STPG1: variants seen among roughly 807,000 people sequenced by gnomAD.
STPG1 encodes O(6)-methylguanine-induced apoptosis 2.
STPG1 carries 33 observed loss-of-function variants against 40.1 expected under a neutral mutation model. The ratio of observed to expected loss-of-function variants is 0.82; its 90% confidence interval spans 0.62 to 1.10. The LOEUF is 1.10. Ranked by LOEUF, STPG1 falls within the 50% of genes least tolerant of loss-of-function variation. STPG1 has a pLI of 0.00. For missense variants in STPG1, 396 were observed against 415.1 expected (o/e 0.95, Z 0.40); for synonymous variants, 150 against 155.0 (o/e 0.97, Z 0.24).
At position 24,373,559 on chromosome 1, in the gene STPG1, C is replaced by T. The variant is rs1641852390; in HGVS notation, c.571+143G>A. ...TGCTGGCTGTCTTCTCACCTCTCCT[C>T]TTTGTTCAGTACCTGCCTGCTACTC... On this transcript the variant is annotated intron_variant, in intron 6 of 8. Transcript: ENST00000337248. 4.8e-6 allele frequency: 3 copies of T among 619,488 alleles called. No individual in the cohort carries two copies. The East Asian group carries it at 7.5e-5, about 16-fold the overall frequency. The allele number at this position is 619,488 out of a possible 1,614,324, so 38.4% of individuals were successfully genotyped here.
chr1:24,410,261 A>G (rs1204732116), intron 1 of STPG1, among the ~76,000 whole-genome samples: 1 of 152,222 alleles, frequency 6.6e-6, no homozygotes, highest in African/African-American at 2.4e-5. Flanking sequence ...ATAATAATGT[A>G]TGTACACTGT....
chr1:24,407,429 C>T (rs1643454092), intron 1 of STPG1, among the ~76,000 whole-genome samples: 1 of 148,234 alleles, frequency 6.7e-6, no homozygotes, highest in Non-Finnish European at 1.5e-5. Flanking sequence ...ATTGTCATGT[C>T]TTCAAGTTCA....
intron 2 of STPG1, among the ~76,000 whole-genome samples, chr1:24,400,613 T>C (rs1299937791): frequency 6.6e-6 from 1 of 152,344 alleles, no homozygotes; most frequent in East Asian, 1.9e-4. Flanking sequence ...CAGCAGCGAC[T>C]CTGGAAGCCC....
At chr1:24,397,242 G>A (rs1330559892) in intron 2 of STPG1, among the ~76,000 whole-genome samples, 1 of 152,176 alleles carries the variant, frequency 6.6e-6, no homozygotes, top group African/African-American at 2.4e-5. Context: ...TATAGTCAGA[G>A]ATCTCAAAAC....
chr1:24,374,813 A>G (rs1276062994), intron 5 of STPG1, among the ~76,000 whole-genome samples: 1 of 151,616 alleles, frequency 6.6e-6, no homozygotes, highest in Non-Finnish European at 1.5e-5. Context: ...TTTTGTAGAG[A>G]TGGGGTTTCA....
upstream of STPG1, chr1:24,414,584 G>C (rs1217423814): frequency 3.0e-5 from 4 of 134,298 alleles, no homozygotes; most frequent in Admixed American, 1.5e-4. Flanking sequence ...CGCCCAGCTG[G>C]AGTGCAGTGG....
intron 1 of STPG1, among the ~76,000 whole-genome samples, chr1:24,413,317 C>G (rs1643816956): frequency 6.6e-6 from 1 of 152,232 alleles, no homozygotes; most frequent in South Asian, 2.1e-4. Flanking sequence ...GAGTAGAGAT[C>G]AGGTCTTTGG....
intron 5 of STPG1, among the ~76,000 whole-genome samples, chr1:24,378,358 G>A (rs776681169): frequency 2.6e-5 from 4 of 152,052 alleles, no homozygotes; most frequent in Non-Finnish European, 5.9e-5. Flanking sequence ...AAATGAGGCC[G>A]GGCACGGTGG....
At chr1:24,411,219 A>G (rs537434630) in intron 1 of STPG1, among the ~76,000 whole-genome samples, 3 of 152,282 alleles carry the variant, frequency 2.0e-5, no homozygotes, top group East Asian at 1.9e-4. Context: ...TAATCCAGTG[A>G]GGTATAATCC....
In STPG1 at chr1:24,361,060, G is replaced by A. The variant is rs536585788; in HGVS notation, c.738-19C>T. The A allele has an allele frequency of 4.5e-5, 71 of 1,593,460 alleles. 1 individual carries two copies. Among genetic ancestry groups the A allele is most frequent in the South Asian group, 3.6e-4 (32 of 87,796 alleles). Reference sequence around the variant, plus strand: ...GTTTTTCCTTTGGGAAAGATAAAACGGGAAGATGTCACTAAGGCAGTCTAG... The same window carrying A: ...GTTTTTCCTTTGGGAAAGATAAAACAGGAAGATGTCACTAAGGCAGTCTAG... On this transcript the variant is annotated intron_variant, in intron 7 of 8. Coordinates refer to ENST00000337248, the MANE Select transcript of STPG1 (RefSeq NM_001199013.2).
intron 3 of STPG1, among the ~76,000 whole-genome samples, chr1:24,390,156 C>A (rs1462711027): frequency 6.6e-6 from 1 of 152,130 alleles, no homozygotes; most frequent in Non-Finnish European, 1.5e-5. Context: ...AATGAGGACT[C>A]CTCCAAAAGA....
intron 2 of STPG1, chr1:24,391,908 T>G: frequency 7.8e-7 from 1 of 1,279,504 alleles, no homozygotes; most frequent in Non-Finnish European, 9.9e-7. Flanking sequence ...TAGTGAGATG[T>G]GGTCACATAA....
intron 1 of STPG1, among the ~76,000 whole-genome samples, chr1:24,404,993 G>A (rs913626838): frequency 6.6e-6 from 1 of 152,038 alleles, no homozygotes; most frequent in Admixed American, 6.6e-5. Context: ...TTCAATAATT[G>A]AATTTAGACC....
intron 5 of STPG1, 100 bp from the exon 6 acceptor site, chr1:24,373,910 AC>A (rs1641879829): frequency 2.4e-6 from 2 of 834,748 alleles, no homozygotes; most frequent in African/African-American, 3.4e-5. Context: ...AAAAAATCAA[AC>A]CGAAACCTGT....
intron 4 of STPG1, among the ~76,000 whole-genome samples, chr1:24,380,353 G>A (rs148348853): frequency 3.0e-4 from 45 of 152,130 alleles, no homozygotes; most frequent in Non-Finnish European, 4.7e-4. Context: ...GTATTTTCAC[G>A]GTTTAACAGA....
In STPG1 at chr1:24,373,704, G is replaced by A. The variant is rs1017101780; in HGVS notation, c.569C>T (p.Pro190Leu). 1 of 1,605,590 alleles carries A rather than the reference G, an allele frequency of 6.2e-7. No homozygotes were observed. Among genetic ancestry groups the A allele is most frequent in the South Asian group, 1.1e-5 (1 of 90,904 alleles). The change falls in exon 6 of 9, where the codon CCA becomes CTA. Residue 190 changes from proline to leucine, a missense_variant and splice_region_variant. Coordinates refer to ENST00000337248, the MANE Select transcript of STPG1 (RefSeq NM_001199013.2). ...GCCAGTGCAAAGCAGCTGCTTACCT[G>A]GGGGAGGTCCTTTATCAGCAAAAGC... is the stretch of plus-strand genomic sequence containing the variant. ...SFAFADKGPP[P>L]GHYDINESLV...
At chr1:24,364,364 C>T (rs539431346) in intron 7 of STPG1, 28 of 1,540,110 alleles carry the variant, frequency 1.8e-5, no homozygotes, top group Admixed American at 6.0e-5. Context: ...ACTGTAAACT[C>T]GGAATGACAC....
Position 24,383,831 on chromosome 1 carries a change from T to A in STPG1, c.291+71A>T. On this transcript the variant is annotated intron_variant, in intron 4 of 8. Coordinates refer to ENST00000337248, the MANE Select transcript of STPG1 (RefSeq NM_001199013.2). ...TGGAGAGAAAGGACCAGATGTCCAA[T>A]ATATAATTATGCAATGAATGAAGGA... is the stretch of plus-strand genomic sequence containing the variant. The A allele has an allele frequency of 3.1e-6, 3 of 979,370 alleles. No homozygotes were observed. In the South Asian group the frequency reaches 3.9e-5, roughly 13 times the overall value. The allele number at this position is 979,370 out of a possible 1,614,324, so 60.7% of individuals were successfully genotyped here.
In STPG1 at chr1:24,413,677, G is replaced by C. The variant is rs559497185; in HGVS notation, c.-72C>G. 1 of 152,394 alleles carries C rather than the reference G, an allele frequency of 6.6e-6. No individual in the cohort carries two copies. The highest frequency in any genetic ancestry group is 2.4e-5 in the African/African-American group (1 of 41,580). The allele number at this position is 152,394 out of a possible 1,614,324, so 9.4% of individuals were successfully genotyped here. A position where few individuals can be genotyped will look rare whatever the true frequency, so the allele number is the denominator to read the frequency against. Reference sequence around the variant, plus strand: ...CCCCGCCGGAACTGCTTCCTACCTGGTCCGGTCCCGGCAGCTGAATCTGGC... The same window carrying C: ...CCCCGCCGGAACTGCTTCCTACCTGCTCCGGTCCCGGCAGCTGAATCTGGC... On this transcript the variant is annotated 5_prime_UTR_variant, in exon 1 of 9. Transcript: ENST00000337248.
Sources: allele counts gnomAD v4.1 joint callset (sites outside exome capture counted in the v4.1 genomes callset), GRCh38; gene constraint gnomAD v4.1.1; transcripts MANE v1.5; gene names NCBI Gene and HGNC (gene_info 2026-07-23, HGNC 2026-07-21).